The following PLB1 variants were observed in gnomAD, a reference collection of about 807,000 sequenced individuals.
The protein encoded by PLB1 is phospholipase B1, also known as phospholipase B1, membrane-associated.
Under a neutral mutation model 227.4 loss-of-function variants are expected in PLB1, and 242 were observed. That is an observed-to-expected ratio of 1.06 (90% CI 0.96 to 1.18). The LOEUF is 1.18. Ranked by LOEUF, PLB1 falls within the 50% of genes most tolerant of loss-of-function variation. The pLI, the probability that PLB1 is intolerant of heterozygous loss-of-function variation, is 0.00. For synonymous variants in PLB1, 757 were observed against 682.2 expected, an observed-to-expected ratio of 1.11 and a Z score of -1.71; for missense variants, 1,858 against 1,816.3, an observed-to-expected ratio of 1.02 and a Z score of -0.42.
intron 1 of PLB1, among the ~76,000 whole-genome samples, chr2:28,515,518 T>G (rs1400711258): frequency 1.3e-5 from 2 of 152,228 alleles, no homozygotes; most frequent in Admixed American, 1.3e-4. Flanking sequence ...TGGAGGCGGA[T>G]TCCAGTCATC....
chr2:28,636,017 GAA>G (rs372411047), intron 56 of PLB1, among the ~76,000 whole-genome samples: 70 of 124,790 alleles, frequency 5.6e-4, no homozygotes, highest in African/African-American at 1.5e-3. Flanking sequence ...ATGTATGTAT[GAA>G]TGTGTGTGTA....
rs183894824 is a variant in PLB1 at position 28,540,174 on chromosome 2, C to T, written c.699-192C>T. On this transcript the variant is annotated intron_variant, in intron 11 of 57. Transcript: ENST00000327757. The stretch of plus-strand genomic sequence containing the variant: ...AGGAACAGCTTCCCTCCATCCCATA[C>T]CCAACCCCCAAGAAGGGACCACCCA... 2.0e-4 allele frequency among the ~76,000 whole-genome samples: 30 copies of T among 151,708 alleles called. No homozygotes were observed. The East Asian group carries it at 3.9e-3, about 20-fold the overall frequency.
intron 56 of PLB1, among the ~76,000 whole-genome samples, chr2:28,634,643 C>T (rs886795302): frequency 6.6e-6 from 1 of 152,192 alleles, no homozygotes; most frequent in Non-Finnish European, 1.5e-5. Flanking sequence ...CACGGTGGCT[C>T]ATGCCTGTAA....
intron 16 of PLB1, among the ~76,000 whole-genome samples, chr2:28,552,618 G>A: frequency 6.6e-6 from 1 of 152,212 alleles, no homozygotes; most frequent in East Asian, 1.9e-4. Context: ...TAGATTCAGA[G>A]GGTGAGGAGC....
At chr2:28,561,948 CATT>C (rs1163660483) in intron 17 of PLB1, among the ~76,000 whole-genome samples, 1 of 151,996 alleles carries the variant, frequency 6.6e-6, no homozygotes, top group African/African-American at 2.4e-5. Context: ...ACCTTGAAAA[CATT>C]ATGCAAAATA....
At chr2:28,595,217 A>G (rs926934322) in intron 33 of PLB1, 19 of 152,230 alleles carry the variant, frequency 1.2e-4, no homozygotes, top group African/African-American at 4.3e-4. Flanking sequence ...AGTCCATTAC[A>G]GCCTAATGTC....
chr2:28,603,975 T>A lies in PLB1; in HGVS notation c.2784T>A (p.Cys928Ter). The change falls in exon 40 of 58, where the codon TGT (cysteine) becomes TGA (stop). Residue 928 changes from cysteine (C) to a stop codon, truncating the protein, a stop_gained. Coordinates refer to ENST00000327757, the MANE Select transcript of PLB1 (RefSeq NM_153021.5). LOFTEE classifies it high-confidence loss of function. ...KCPVQQASVL[C>*]NCVLTLRENS... ...CCCCCTCTTTGTGCAGCGTTTTGTGTAACTGCGTTCTGACCCTGCGGGAGA... is the reference window on the plus strand; with the variant it reads ...CCCCCTCTTTGTGCAGCGTTTTGTGAAACTGCGTTCTGACCCTGCGGGAGA... 6.2e-7 allele frequency: 1 copy of A among 1,614,220 alleles called. No homozygotes were observed. Among genetic ancestry groups the A allele is most frequent in the Non-Finnish European group, 8.5e-7 (1 of 1,180,024 alleles).
chr2:28,526,314 A>G (rs997136708), intron 6 of PLB1, among the ~76,000 whole-genome samples: 1 of 151,254 alleles, frequency 6.6e-6, no homozygotes, highest in Admixed American at 6.6e-5. Flanking sequence ...CCCGTGGTTC[A>G]CTCCTCCCAC....
chr2:28,579,967 G>A (rs1679646240), intron 23 of PLB1, among the ~76,000 whole-genome samples: 1 of 152,214 alleles, frequency 6.6e-6, no homozygotes. Context: ...ATTCTAGAAA[G>A]CAAGATAACA....
At position 28,589,497 on chromosome 2, in the gene PLB1, A is replaced by G; in HGVS notation, c.1863A>G (p.Glu621=). The stretch of plus-strand genomic sequence containing the variant: ...AGAGTGGGCGATATGACACAAGGGA[A>G]GATTTTACTGTGGTTGTGCAGCCGT... ...LIESGRYDTR[E]DFTVVVQPFF... The change falls in exon 27 of 58, where the codon GAA becomes GAG. Residue 621 remains glutamate, a synonymous_variant. Coordinates refer to ENST00000327757, the MANE Select transcript of PLB1 (RefSeq NM_153021.5). 1 of 1,614,202 alleles carries G rather than the reference A, an allele frequency of 6.2e-7. No individual in the cohort carries two copies. The highest frequency in any genetic ancestry group is 8.5e-7 in the Non-Finnish European group (1 of 1,180,034).
At chr2:28,595,664 A>C (rs1306578621) in intron 33 of PLB1, 1 of 152,152 alleles carries the variant, frequency 6.6e-6, no homozygotes, top group Non-Finnish European at 1.5e-5. Context: ...GTGTTCACGT[A>C]GTAGACTTAT....
At chr2:28,638,880 T>G (rs1250854067) in intron 56 of PLB1, among the ~76,000 whole-genome samples, 2 of 126,294 alleles carry the variant, frequency 1.6e-5, no homozygotes, top group Non-Finnish European at 3.3e-5. Flanking sequence ...AGGGCCAATA[T>G]GGTGAAACCC....
rs754696755 is a variant in PLB1 at position 28,579,700 on chromosome 2, A to T, written c.1559A>T (p.Asn520Ile). The change falls in exon 23 of 58, where the codon AAT (asparagine) becomes ATT (isoleucine). Residue 520 changes from asparagine to isoleucine, a missense_variant. By Grantham distance (149) the Asn-to-Ile change is moderately radical. Transcript: ENST00000327757. ...GGCAATGACCTCTGTGATTTCTGCA[A>T]TGATCTGGTAGGTCTCCAGGCACTT... ...IGGNDLCDFC[N>I]DLVHYSPQNF... The T allele has an allele frequency of 1.6e-5, 25 of 1,612,152 alleles. No individual in the cohort carries two copies. Among genetic ancestry groups the T allele is most frequent in the Non-Finnish European group, 2.1e-5 (25 of 1,178,344 alleles).
chr2:28,566,031 T>G (rs559832998), intron 19 of PLB1, among the ~76,000 whole-genome samples: 2 of 152,276 alleles, frequency 1.3e-5, no homozygotes, highest in East Asian at 1.9e-4. Flanking sequence ...CTGTATCACT[T>G]TGGGCAGGCT....
At chr2:28,560,865 T>A (rs911346389) in intron 17 of PLB1, among the ~76,000 whole-genome samples, 1 of 152,192 alleles carries the variant, frequency 6.6e-6, no homozygotes, top group African/African-American at 2.4e-5. Context: ...AAGGTGGTTT[T>A]CTCTTTGCTC....
intron 10 of PLB1, among the ~76,000 whole-genome samples, chr2:28,538,658 T>G (rs1280402930): frequency 6.6e-6 from 1 of 152,188 alleles, no homozygotes; most frequent in Non-Finnish European, 1.5e-5. Context: ...TACCTGAGAC[T>G]GGGGCGAGGA....
intron 16 of PLB1, among the ~76,000 whole-genome samples, chr2:28,552,227 C>T (rs1674367459): frequency 6.6e-6 from 1 of 152,096 alleles, no homozygotes; most frequent in Admixed American, 6.6e-5. Context: ...CGACCTCAGT[C>T]TTGAAGGGTG....
Position 28,631,956 on chromosome 2 carries a change from A to G in PLB1, c.3898-80A>G, listed in dbSNP as rs1476363563. On this transcript the variant is annotated intron_variant, in intron 54 of 57. Transcript: ENST00000327757. ...TAGGGTGAGTTGACTCCCGTCAACA[A>G]CCAATCCAAGGCAGCAGGACTGGAC... is the stretch of plus-strand genomic sequence containing the variant. 19 of 1,230,520 alleles carry G rather than the reference A, an allele frequency of 1.5e-5. No homozygotes were observed. The East Asian group carries it at 3.7e-4, about 24-fold the overall frequency. 76.2% of individuals were successfully genotyped at this position (1,230,520 alleles called of 1,614,324 possible).
At chr2:28,593,146 C>T (rs1172430882) in intron 32 of PLB1, among the ~76,000 whole-genome samples, 1 of 152,118 alleles carries the variant, frequency 6.6e-6, no homozygotes, top group Non-Finnish European at 1.5e-5. Flanking sequence ...AAGCTCTGCT[C>T]CTAACTTCCA....
Sources: gnomAD v4.1 joint callset for allele counts (sites outside exome capture counted in the v4.1 genomes callset) on GRCh38, gnomAD v4.1.1 for gene constraint, MANE v1.5 for transcripts, NCBI Gene and HGNC (gene_info 2026-07-23, HGNC 2026-07-21) for gene names.